The following MTDH variants were observed in gnomAD, a reference collection of about 807,000 sequenced individuals.
MTDH encodes the protein metadherin.
Under a neutral mutation model 72.7 loss-of-function variants are expected in MTDH, and 34 were observed. The observed-to-expected ratio is 0.47, with a 90% confidence interval of 0.36 to 0.62. The LOEUF (loss-of-function observed/expected upper bound fraction) is 0.62, where lower values mean the gene tolerates loss of function less well. MTDH is among the 20% of genes least tolerant of loss of function. The probability of loss-of-function intolerance (pLI) is 0.00; values close to 1 mark genes in which losing one functional copy is unlikely to be tolerated. For missense variants in MTDH, 677 were observed against 699.4 expected, an observed-to-expected ratio of 0.97 and a Z score of 0.36; for synonymous variants, 266 against 268.9, an observed-to-expected ratio of 0.99 and a Z score of 0.10.
At chr8:97,679,746 A>G (rs1280858284) in intron 2 of MTDH, among the ~76,000 whole-genome samples, 4 of 152,146 alleles carry the variant, frequency 2.6e-5, no homozygotes, top group Non-Finnish European at 5.9e-5. Context: ...TATATGCTCA[A>G]TTTTTTCCCA....
intron 7 of MTDH, among the ~76,000 whole-genome samples, chr8:97,703,479 T>C (rs1269858635): frequency 6.6e-6 from 1 of 152,220 alleles, no homozygotes; most frequent in Non-Finnish European, 1.5e-5. Flanking sequence ...TAAACTTTCT[T>C]CTGCTTAATA....
intron 2 of MTDH, among the ~76,000 whole-genome samples, chr8:97,685,000 A>T (rs1813303445): frequency 1.3e-5 from 2 of 152,350 alleles, no homozygotes; most frequent in Non-Finnish European, 2.9e-5. Context: ...TGGGAGGCAG[A>T]GGTTGCAGTG....
intron 1 of MTDH, among the ~76,000 whole-genome samples, chr8:97,655,371 T>A (rs571881444): frequency 1.3e-5 from 2 of 152,332 alleles, no homozygotes; most frequent in East Asian, 3.9e-4. Flanking sequence ...ATTATGTAAT[T>A]TTCTTGGAAA....
chr8:97,656,222 T>C (rs1215910981), intron 1 of MTDH, among the ~76,000 whole-genome samples: 1 of 152,110 alleles, frequency 6.6e-6, no homozygotes, highest in Non-Finnish European at 1.5e-5. Flanking sequence ...TATGCTTACC[T>C]CAGATACAGG....
intron 1 of MTDH, among the ~76,000 whole-genome samples, chr8:97,655,546 G>A (rs897093374): frequency 1.3e-5 from 2 of 152,164 alleles, no homozygotes; most frequent in Non-Finnish European, 2.9e-5. Flanking sequence ...GCCTGTCCAG[G>A]CCCTTTTGAC....
At chr8:97,667,831 T>TTTA (rs1554575772) in intron 2 of MTDH, among the ~76,000 whole-genome samples, 1 of 116,310 alleles carries the variant, frequency 8.6e-6, no homozygotes, top group Non-Finnish European at 1.7e-5. Flanking sequence ...GTCTCTATAT[T>TTTA]AAAAAAAAAA....
chr8:97,663,387 A>T (rs1812248762), intron 2 of MTDH, among the ~76,000 whole-genome samples: 1 of 152,160 alleles, frequency 6.6e-6, no homozygotes, highest in South Asian at 2.1e-4. Context: ...GTATGTTTGT[A>T]TGTGTAAATA....
chr8:97,647,709 TAGTTG>T (rs1811618648), intron 1 of MTDH, among the ~76,000 whole-genome samples: 2 of 152,188 alleles, frequency 1.3e-5, no homozygotes, highest in African/African-American at 4.8e-5. Flanking sequence ...TTGGAAATCT[TAGTTG>T]AGTTAAAACA....
intron 1 of MTDH, among the ~76,000 whole-genome samples, 181 bp downstream of exon 1, chr8:97,645,068 A>C (rs950605464): frequency 1.3e-5 from 2 of 151,940 alleles, no homozygotes; most frequent in Non-Finnish European, 2.9e-5. Context: ...AATGGGGGGA[A>C]CTCAGGAAGT....
chr8:97,658,468 G>A (rs1050012171), intron 1 of MTDH, among the ~76,000 whole-genome samples: 1 of 152,196 alleles, frequency 6.6e-6, no homozygotes. Context: ...ATTGTTTGCA[G>A]TTGTTCTCAC....
intron 10 of MTDH, 103 bp downstream of exon 10, chr8:97,719,292 A>G (rs1382964513): frequency 2.5e-6 from 3 of 1,214,720 alleles, no homozygotes; most frequent in Non-Finnish European, 3.4e-6. Context: ...CAGGAGTTCA[A>G]GAGCAGCCTG....
At chr8:97,718,944 C>T in intron 9 of MTDH, 105 bp from the exon 10 acceptor site, 5 of 1,060,764 alleles carry the variant, frequency 4.7e-6, no homozygotes, top group Non-Finnish European at 6.7e-6. Context: ...AATTCACCCA[C>T]CTCCGCCTCC....
At chr8:97,680,820 G>A (rs1380059970) in intron 2 of MTDH, among the ~76,000 whole-genome samples, 1 of 152,184 alleles carries the variant, frequency 6.6e-6, no homozygotes, top group African/African-American at 2.4e-5. Flanking sequence ...TTCCTCAAAA[G>A]CGTATTTCTA....
At chr8:97,673,188 T>C (rs1055587582) in intron 2 of MTDH, among the ~76,000 whole-genome samples, 4 of 152,136 alleles carry the variant, frequency 2.6e-5, no homozygotes, top group African/African-American at 7.2e-5. Flanking sequence ...ACTAAAAATA[T>C]AAGCATATTC....
intron 6 of MTDH, among the ~76,000 whole-genome samples, chr8:97,694,702 G>A (rs1336779579): frequency 2.0e-5 from 3 of 152,190 alleles, no homozygotes; most frequent in South Asian, 2.1e-4. Flanking sequence ...CTGGCAGATC[G>A]CCTGAGCCCA....
chr8:97,647,549 G>A (rs899763337), intron 1 of MTDH, among the ~76,000 whole-genome samples: 4 of 152,030 alleles, frequency 2.6e-5, no homozygotes, highest in African/African-American at 7.2e-5. Flanking sequence ...GGAAGGGAGG[G>A]CAGTAAGAGC....
At chr8:97,717,897 G>A (rs1426470642) in intron 9 of MTDH, among the ~76,000 whole-genome samples, 3 of 151,996 alleles carry the variant, frequency 2.0e-5, no homozygotes, top group Non-Finnish European at 4.4e-5. Context: ...TTACAGATGT[G>A]TACCACCATT....
chr8:97,652,186 C>T (rs1258122308), intron 1 of MTDH, among the ~76,000 whole-genome samples: 5 of 152,204 alleles, frequency 3.3e-5, no homozygotes, highest in Admixed American at 2.6e-4. Flanking sequence ...CACTTAGTAG[C>T]TTTTGCATTT....
At chr8:97,683,045 CTTTTTTTTTTTTTTT>C (rs71271144) in intron 2 of MTDH, among the ~76,000 whole-genome samples, 55 of 44,376 alleles carry the variant, frequency 1.2e-3, no homozygotes, top group East Asian at 3.0e-3. Context: ...CTCTTAGACA[CTTTTTTTTTTTTTTT>C]TTTTTTTTTT....
Sources: gnomAD v4.1 joint callset for allele counts (sites outside exome capture counted in the v4.1 genomes callset) on GRCh38, gnomAD v4.1.1 for gene constraint, MANE v1.5 for transcripts, NCBI Gene and HGNC (gene_info 2026-07-23, HGNC 2026-07-21) for gene names.